SCN2A: variants seen among roughly 807,000 people sequenced by gnomAD.
The protein encoded by SCN2A is sodium voltage-gated channel alpha subunit 2.
Under a neutral mutation model 188.7 loss-of-function variants are expected in SCN2A, and 20 were observed. The ratio of observed to expected loss-of-function variants is 0.11; its 90% CI spans 0.07 to 0.15. The LOEUF is 0.15. SCN2A is among the 10% of genes least tolerant of loss of function. The pLI is 1.00. For missense variants in SCN2A, 1,278 were observed against 2,445.0 expected, an observed-to-expected ratio of 0.52 and a Z score of 10.07; for synonymous variants, 804 against 833.1, an observed-to-expected ratio of 0.97 and a Z score of 0.60.
intron 11 of SCN2A, among the ~76,000 whole-genome samples, chr2:165,319,301 C>T (rs1322113958): frequency 2.6e-5 from 4 of 152,126 alleles, no homozygotes; most frequent in African/African-American, 9.7e-5. Context: ...CACGCCACTG[C>T]ACTCCAGCCT....
At chr2:165,265,847 G>A (rs1219563203) in intron 1 of SCN2A, among the ~76,000 whole-genome samples, 1 of 147,740 alleles carries the variant, frequency 6.8e-6, no homozygotes, top group Non-Finnish European at 1.5e-5. Context: ...TAATATATGG[G>A]GTCTAACTCT....
intron 17 of SCN2A, among the ~76,000 whole-genome samples, chr2:165,359,450 A>C (rs138574203): frequency 7.6e-4 from 116 of 152,198 alleles, no homozygotes; most frequent in Admixed American, 1.8e-3. Flanking sequence ...TAGGGGATTC[A>C]GCTGGAGTAA....
chr2:165,376,541 GA>G (rs1201532693), intron 22 of SCN2A, among the ~76,000 whole-genome samples: 21 of 152,042 alleles, frequency 1.4e-4, no homozygotes, highest in South Asian at 4.1e-4. Context: ...CCCCACGCTG[GA>G]AACATGATGG....
At chr2:165,259,130 T>C (rs1048787428) in intron 1 of SCN2A, among the ~76,000 whole-genome samples, 18 of 152,232 alleles carry the variant, frequency 1.2e-4, no homozygotes, top group Admixed American at 3.9e-4. Context: ...GTTTATTAAG[T>C]ATGTAATAGA....
chr2:165,267,661 A>G (rs1222003842), intron 1 of SCN2A: 2 of 152,136 alleles, frequency 1.3e-5, no homozygotes, highest in South Asian at 2.1e-4. Context: ...GACAACCTAC[A>G]GAATGGAAGA....
intron 18 of SCN2A, among the ~76,000 whole-genome samples, chr2:165,366,523 A>G (rs952953144): frequency 1.3e-5 from 2 of 151,606 alleles, no homozygotes; most frequent in African/African-American, 2.4e-5. Flanking sequence ...ACTTGAGGTC[A>G]GGAGTTCAAG....
At chr2:165,248,299 C>T (rs1693942709) in intron 1 of SCN2A, among the ~76,000 whole-genome samples, 1 of 152,140 alleles carries the variant, frequency 6.6e-6, no homozygotes. Flanking sequence ...TCTATTTAGC[C>T]TGGTCTCCAT....
chr2:165,351,130 C>T (rs1699889347), intron 16 of SCN2A, among the ~76,000 whole-genome samples: 1 of 152,070 alleles, frequency 6.6e-6, no homozygotes, highest in Admixed American at 6.5e-5. Context: ...TAGTAGGTAA[C>T]AGAAAATCGA....
At chr2:165,358,163 C>T (rs1700275280) in intron 17 of SCN2A, among the ~76,000 whole-genome samples, 1 of 152,028 alleles carries the variant, frequency 6.6e-6, no homozygotes, top group African/African-American at 2.4e-5. Flanking sequence ...GAGTTTTGAA[C>T]ATATTAGGAG....
chr2:165,260,064 CTCCCGA>C (rs1381921395), intron 1 of SCN2A, among the ~76,000 whole-genome samples: 1 of 151,584 alleles, frequency 6.6e-6, no homozygotes, highest in Non-Finnish European at 1.5e-5. Context: ...CCACCTCAAC[CTCCCGA>C]GTAGCTGGGA....
At chr2:165,336,735 A>G (rs1266794465) in intron 14 of SCN2A, among the ~76,000 whole-genome samples, 2 of 152,042 alleles carry the variant, frequency 1.3e-5, no homozygotes, top group Admixed American at 6.6e-5. Flanking sequence ...GTATGCATGT[A>G]TCACTATTTT....
intron 1 of SCN2A, among the ~76,000 whole-genome samples, chr2:165,251,355 A>G (rs920513991): frequency 2.0e-5 from 3 of 152,230 alleles, no homozygotes; most frequent in Admixed American, 1.3e-4. Flanking sequence ...AAAAGAAACG[A>G]TAATATGTGT....
intron 1 of SCN2A, among the ~76,000 whole-genome samples, chr2:165,248,823 T>C (rs1268967394): frequency 6.6e-6 from 1 of 152,102 alleles, no homozygotes; most frequent in Non-Finnish European, 1.5e-5. Flanking sequence ...GTTTGTAGAA[T>C]AAAATAATGA....
chr2:165,312,818 C>T (rs1188000112), intron 8 of SCN2A, among the ~76,000 whole-genome samples: 1 of 152,126 alleles, frequency 6.6e-6, no homozygotes, highest in Non-Finnish European at 1.5e-5. Flanking sequence ...GTCTAATGCA[C>T]TTTCTTTGGA....
chr2:165,317,371 G>A (rs1054925432), intron 11 of SCN2A, among the ~76,000 whole-genome samples: 7 of 151,576 alleles, frequency 4.6e-5, no homozygotes, highest in South Asian at 2.1e-4. Flanking sequence ...AGGGAGGGAG[G>A]GGGGAGAGAG....
intron 1 of SCN2A, among the ~76,000 whole-genome samples, chr2:165,260,373 C>T (rs936499297): frequency 1.3e-5 from 2 of 152,096 alleles, no homozygotes; most frequent in African/African-American, 4.8e-5. Context: ...TGTCAATGAG[C>T]AGTAATATTT....
At chr2:165,296,128 C>A (rs1696496728) in intron 2 of SCN2A, 38 bp downstream of exon 2, 1 of 1,592,410 alleles carries the variant, frequency 6.3e-7, no homozygotes, top group Non-Finnish European at 8.6e-7. Flanking sequence ...TGCCTATTTA[C>A]TAATTGGTTC....
chr2:165,276,291 A>G (rs1258829241), intron 1 of SCN2A, among the ~76,000 whole-genome samples: 3 of 152,146 alleles, frequency 2.0e-5, no homozygotes, highest in South Asian at 2.1e-4. Context: ...TTTGTGAATT[A>G]GCTCCCTAAA....
chr2:165,253,303 C>G (rs1694175033), intron 1 of SCN2A, among the ~76,000 whole-genome samples: 1 of 152,004 alleles, frequency 6.6e-6, no homozygotes, highest in African/African-American at 2.4e-5. Context: ...TTATGAAATT[C>G]TTCATGACAT....
Sources: gnomAD v4.1 joint callset for allele counts (sites outside exome capture counted in the v4.1 genomes callset) on GRCh38, gnomAD v4.1.1 for gene constraint, MANE v1.5 for transcripts, NCBI Gene and HGNC (gene_info 2026-07-23, HGNC 2026-07-21) for gene names.